Variants in TUSC3 observed in about 807,000 individuals in gnomAD.
TUSC3 encodes the protein dolichyl-diphosphooligosaccharide--protein glycosyltransferase subunit TUSC3.
In TUSC3, 45 loss-of-function variants were observed where a neutral mutation model predicts 44.8. The ratio of observed to expected loss-of-function variants is 1.00; its 90% CI spans 0.79 to 1.29. The LOEUF (loss-of-function observed/expected upper bound fraction) is 1.29, where lower values mean the gene tolerates loss of function less well. Among genes scored for constraint, TUSC3 ranks in the 50% most tolerant of loss-of-function variants. The probability of loss-of-function intolerance (pLI) is 0.00; values close to 1 mark genes in which losing one functional copy is unlikely to be tolerated. For synonymous variants in TUSC3, 212 were observed against 152.9 expected (o/e 1.39, Z -2.85); for missense variants, 519 against 437.9 (o/e 1.19, Z -1.65).
At chr8:15,824,908 G>A in the TUSC3 span, among the ~76,000 whole-genome samples, 29 of 152,246 alleles carry the variant, frequency 1.9e-4, no homozygotes, top group South Asian at 5.4e-3. Context: ...ATCTGTTGGT[G>A]AAATTCAGTT....
intron 6 of TUSC3, among the ~76,000 whole-genome samples, chr8:15,703,268 A>G (rs1282265050): frequency 1.3e-5 from 2 of 152,174 alleles, no homozygotes; most frequent in Non-Finnish European, 2.9e-5. Context: ...AATTAATTAT[A>G]GATTATAATA....
chr8:15,625,681 G>A (rs116798504), intron 2 of TUSC3, among the ~76,000 whole-genome samples: 1 of 152,188 alleles, frequency 6.6e-6, no homozygotes, highest in African/African-American at 2.4e-5. Flanking sequence ...GGAGACTGAA[G>A]TTATTAGTAA....
chr8:15,540,342 C>G lies in TUSC3; in HGVS notation c.-89C>G. On this transcript the variant is annotated 5_prime_UTR_variant, in exon 1 of 11. Coordinates refer to ENST00000503731, the MANE Select transcript of TUSC3 (RefSeq NM_006765.4). ...CATCCCGGAGGGCCCAGCCAGCGGG[C>G]TCCCGGAGGCTGGCCGGGCAGGCGT... 7.2e-7 allele frequency: 1 copy of G among 1,379,780 alleles called. No homozygotes were observed. The highest frequency in any genetic ancestry group is 3.0e-5 in the East Asian group (1 of 33,180). The allele number at this position is 1,379,780 out of a possible 1,614,324, so 85.5% of individuals were successfully genotyped here. A position where few individuals can be genotyped will look rare whatever the true frequency, so the allele number is the denominator to read the frequency against.
chr8:15,447,743 C>T (rs568441825), intron 1 of TUSC3, among the ~76,000 whole-genome samples: 62 of 149,788 alleles, frequency 4.1e-4, no homozygotes, highest in African/African-American at 1.4e-3. Flanking sequence ...GGAAGGTTAC[C>T]GCCACCTCTC....
rs551764055 is a variant in TUSC3 at position 15,690,753 on chromosome 8, G to A, written c.798+16917G>A. ...TTATCCCAGCACCCCTTACTGAATA[G>A]GGAATCCTTTCCCCATTGTTTGTTT... On this transcript the variant is annotated intron_variant, in intron 6 of 10. Coordinates refer to ENST00000503731, the MANE Select transcript of TUSC3 (RefSeq NM_006765.4). 2.9e-4 allele frequency among the ~76,000 whole-genome samples: 44 copies of A among 152,148 alleles called. No homozygotes were observed. In the South Asian group the frequency reaches 8.5e-3, roughly 29 times the overall value.
At chr8:15,741,694 TAAAAA>T (rs573887591) in intron 7 of TUSC3, among the ~76,000 whole-genome samples, 1 of 145,556 alleles carries the variant, frequency 6.9e-6, no homozygotes, top group African/African-American at 2.5e-5. Flanking sequence ...CTCTAAAAAT[TAAAAA>T]AAAAAAATTA....
At chr8:15,804,436 T>G in the TUSC3 span, among the ~76,000 whole-genome samples, 1 of 152,334 alleles carries the variant, frequency 6.6e-6, no homozygotes, top group South Asian at 2.1e-4. Context: ...TTTTTAGGTT[T>G]TCTTCTAGGA....
chr8:15,752,144 G>A (rs1180702839), intron 9 of TUSC3, among the ~76,000 whole-genome samples: 1 of 152,066 alleles, frequency 6.6e-6, no homozygotes, highest in Admixed American at 6.6e-5. Context: ...AGATCACTGT[G>A]GGTCTGAGAA....
At position 15,650,550 on chromosome 8, in the gene TUSC3, T is replaced by A. The variant is rs553958408; in HGVS notation, c.309-147T>A. ...TTTTCATGTCAGAGAATCCTTTTTT[T>A]AAAAAAAAATATTTTAAAAACTATG... On this transcript the variant is annotated intron_variant, in intron 2 of 10. Transcript: ENST00000503731. The A allele has an allele frequency of 9.6e-4, 610 of 638,498 alleles. 2 individuals are homozygous for A. The highest frequency in any genetic ancestry group is 8.9e-3 in the African/African-American group (480 of 53,894). The allele number at this position is 638,498 out of a possible 1,614,324, so 39.6% of individuals were successfully genotyped here. A position where few individuals can be genotyped will look rare whatever the true frequency, so the allele number is the denominator to read the frequency against.
chr8:15,449,417 C>G (rs1800163294), intron 1 of TUSC3, among the ~76,000 whole-genome samples: 1 of 152,122 alleles, frequency 6.6e-6, no homozygotes, highest in African/African-American at 2.4e-5. Context: ...TGCACATCCT[C>G]CATAGAGTGG....
chr8:15,512,615 A>G (rs1311057226), intron 2 of TUSC3, among the ~76,000 whole-genome samples: 1 of 152,120 alleles, frequency 6.6e-6, no homozygotes, highest in Non-Finnish European at 1.5e-5. Flanking sequence ...TCTACTAAAA[A>G]TACAAAAATT....
the TUSC3 span, among the ~76,000 whole-genome samples, chr8:15,846,724 T>A: frequency 6.6e-6 from 1 of 151,572 alleles, no homozygotes; most frequent in Non-Finnish European, 1.5e-5. Context: ...TGTGGTGGGG[T>A]GAAGGGCTAG....
downstream of TUSC3, among the ~76,000 whole-genome samples, chr8:15,767,373 T>C (rs1812361163): frequency 6.7e-6 from 1 of 150,040 alleles, no homozygotes; most frequent in Non-Finnish European, 1.5e-5. Flanking sequence ...AAATTATGCA[T>C]AGATGTCAGG....
the TUSC3 span, among the ~76,000 whole-genome samples, chr8:15,802,195 G>C: frequency 6.6e-6 from 1 of 152,180 alleles, no homozygotes; most frequent in Non-Finnish European, 1.5e-5. Context: ...ATCTGCAATA[G>C]AGAGTCGTGC....
intron 1 of TUSC3, among the ~76,000 whole-genome samples, chr8:15,448,970 G>C (rs1438027919): frequency 6.6e-6 from 1 of 152,132 alleles, no homozygotes; most frequent in Non-Finnish European, 1.5e-5. Context: ...ATTGTAGAGT[G>C]TTTAGAAAAT....
At chr8:15,838,989 A>T in the TUSC3 span, among the ~76,000 whole-genome samples, 1 of 152,156 alleles carries the variant, frequency 6.6e-6, no homozygotes, top group Non-Finnish European at 1.5e-5. Context: ...CCTACCCATG[A>T]ACATGGAATG....
intron 1 of TUSC3, among the ~76,000 whole-genome samples, chr8:15,581,766 T>C (rs1296409714): frequency 2.9e-5 from 4 of 139,096 alleles, no homozygotes; most frequent in South Asian, 2.3e-4. Context: ...TACTGCTGTC[T>C]TTTTGTTTGT....
chr8:15,505,371 C>T (rs1447011811), intron 2 of TUSC3, among the ~76,000 whole-genome samples: 1 of 152,230 alleles, frequency 6.6e-6, no homozygotes, highest in African/African-American at 2.4e-5. Context: ...CAAGTCTTGT[C>T]ATTTTTCAGG....
intron 1 of TUSC3, among the ~76,000 whole-genome samples, chr8:15,444,229 G>A (rs1194828101): frequency 1.3e-5 from 2 of 152,122 alleles, no homozygotes; most frequent in African/African-American, 2.4e-5. Flanking sequence ...AAAGTAAGAC[G>A]AGCCTTCATG....
Sources: allele counts gnomAD v4.1 joint callset (sites outside exome capture counted in the v4.1 genomes callset), GRCh38; gene constraint gnomAD v4.1.1; transcripts MANE v1.5; gene names NCBI Gene and HGNC (gene_info 2026-07-23, HGNC 2026-07-21).